Variants in ZC3H13 observed in about 807,000 individuals in gnomAD.
ZC3H13 encodes zinc finger CCCH domain-containing protein 13.
A neutral mutation model predicts 204.1 loss-of-function variants in ZC3H13; 64 were observed. That is an observed-to-expected ratio of 0.31 (90% CI 0.26 to 0.39). The LOEUF (loss-of-function observed/expected upper bound fraction) is 0.39. Among genes scored for constraint, ZC3H13 ranks in the 10% least tolerant of loss-of-function variants. The probability of loss-of-function intolerance (pLI) is 1.00; values close to 1 mark genes in which losing one functional copy is unlikely to be tolerated. For synonymous variants in ZC3H13, 667 were observed against 693.7 expected (o/e 0.96, Z 0.60); for missense variants, 1,833 against 2,082.7 (o/e 0.88, Z 2.33).
intron 4 of ZC3H13, among the ~76,000 whole-genome samples, chr13:46,038,978 T>C: frequency 6.6e-6 from 1 of 152,162 alleles, no homozygotes; most frequent in East Asian, 1.9e-4. Context: ...GCAGAGATCA[T>C]GCCATTCCAC....
intron 3 of ZC3H13, among the ~76,000 whole-genome samples, chr13:46,042,512 T>C (rs960494803): frequency 3.3e-5 from 5 of 152,102 alleles, no homozygotes; most frequent in Non-Finnish European, 7.4e-5. Context: ...AAAATGTATA[T>C]GTTAAATTCC....
At chr13:46,045,613 G>T in intron 1 of ZC3H13, 97 bp from the exon 2 acceptor site, 2 of 783,918 alleles carry the variant, frequency 2.6e-6, no homozygotes, top group Non-Finnish European at 4.2e-6. Context: ...AGGTAACAGT[G>T]TAAAATTACA....
chr13:45,983,193 C>G (rs558529458), intron 10 of ZC3H13, among the ~76,000 whole-genome samples: 2 of 151,718 alleles, frequency 1.3e-5, no homozygotes, highest in East Asian at 3.9e-4. Context: ...TAAAAACAGA[C>G]CACTGAGCCA....
rs1593813402 is a variant in ZC3H13 at position 46,042,477 on chromosome 13, T to A, written c.228-202A>T. Among the ~76,000 whole-genome samples the A allele has an allele frequency of 8.5e-5, 13 of 152,254 alleles. No homozygotes were observed. In the South Asian group the frequency reaches 2.7e-3, roughly 32 times the overall value. ...TAATATGCAAAACACGAGCAACACTTACAGTTTTTCTCCCAATAACAATCA... is the reference window on the plus strand; with the variant it reads ...TAATATGCAAAACACGAGCAACACTAACAGTTTTTCTCCCAATAACAATCA... On this transcript the variant is annotated intron_variant, in intron 3 of 18. Transcript: ENST00000679008.
chr13:46,015,518 T>C (rs1444820088), intron 5 of ZC3H13, among the ~76,000 whole-genome samples: 1 of 152,172 alleles, frequency 6.6e-6, no homozygotes, highest in African/African-American at 2.4e-5. Flanking sequence ...CTGGGTTTTA[T>C]GCCCTATTTA....
chr13:45,973,423 T>G (rs568531422), intron 12 of ZC3H13, among the ~76,000 whole-genome samples: 2 of 152,322 alleles, frequency 1.3e-5, no homozygotes, highest in East Asian at 3.9e-4. Context: ...ACTCTTAGAT[T>G]GTCTAACCAT....
intron 4 of ZC3H13, among the ~76,000 whole-genome samples, chr13:46,040,466 T>C (rs1252517961): frequency 1.3e-5 from 2 of 152,064 alleles, no homozygotes; most frequent in Admixed American, 6.6e-5. Context: ...GGCTTAAATA[T>C]AAGAGCTAAA....
intron 16 of ZC3H13, among the ~76,000 whole-genome samples, chr13:45,964,621 A>C (rs1474002241): frequency 6.6e-6 from 1 of 152,216 alleles, no homozygotes; most frequent in East Asian, 1.9e-4. Flanking sequence ...TCAGTAGAAA[A>C]AATTGCAAAA....
At chr13:46,015,237 T>C (rs1475226500) in intron 5 of ZC3H13, among the ~76,000 whole-genome samples, 1 of 152,190 alleles carries the variant, frequency 6.6e-6, no homozygotes, top group African/African-American at 2.4e-5. Flanking sequence ...TTCATCAGTA[T>C]TTCCCTGCAG....
intron 4 of ZC3H13, among the ~76,000 whole-genome samples, chr13:46,041,294 G>A (rs1017931361): frequency 9.2e-5 from 14 of 152,032 alleles, no homozygotes; most frequent in African/African-American, 3.4e-4. Context: ...CACGAACCTT[G>A]AAAAGGTATG....
chr13:45,975,107 A>G (rs953744804), intron 12 of ZC3H13, among the ~76,000 whole-genome samples, 176 bp downstream of exon 12: 8 of 152,104 alleles, frequency 5.3e-5, no homozygotes, highest in Non-Finnish European at 2.9e-5. Context: ...CGGCCTCCCA[A>G]AGTGCTGGGT....
chr13:46,017,554 A>G (rs999422412), intron 5 of ZC3H13, among the ~76,000 whole-genome samples: 1 of 152,162 alleles, frequency 6.6e-6, no homozygotes, highest in African/African-American at 2.4e-5. Flanking sequence ...GGATTTTTAT[A>G]TGTCATTGTT....
Position 45,969,045 on chromosome 13 carries a change from T to C in ZC3H13, c.3499A>G (p.Lys1167Glu). The C allele has an allele frequency of 1.2e-6, 2 of 1,614,208 alleles. No individual in the cohort carries two copies. The highest frequency in any genetic ancestry group is 1.7e-6 in the Non-Finnish European group (2 of 1,180,032). The stretch of plus-strand genomic sequence containing the variant: ...ATAGTCACGTGAGGCGTCTCTACTT[T>C]TTCTACTCGTGTTCTGTGGCATTTT... Reference protein sequence around the residue: ...HRKCHRTRVEKVETPHVTIED... With the variant: ...HRKCHRTRVEEVETPHVTIED... Residue 1167 changes from lysine (K) to glutamate (E), a missense_variant, in exon 14 of 19, where the codon AAA becomes GAA. Coordinates refer to ENST00000679008, the MANE Select transcript of ZC3H13 (RefSeq NM_001330564.2).
At chr13:46,010,981 A>G (rs2041520944) in intron 6 of ZC3H13, among the ~76,000 whole-genome samples, 1 of 152,254 alleles carries the variant, frequency 6.6e-6, no homozygotes, top group Non-Finnish European at 1.5e-5. Context: ...TTTAAGCAAT[A>G]TAACTGTCCT....
At chr13:46,018,197 AT>A (rs879912449) in intron 5 of ZC3H13, among the ~76,000 whole-genome samples, 1 of 146,984 alleles carries the variant, frequency 6.8e-6, no homozygotes, top group South Asian at 2.2e-4. Context: ...GCAGACGGCC[AT>A]TTAGGATAGT....
rs933820340 is a variant in ZC3H13, at chr13:46,011,701, T to C, written c.449-147A>G. Reference sequence around the variant, plus strand: ...ACATACTTCTAAAAGATAAAAGAAATAGATACCATTTCTATAAAGGATTAA... The same window carrying C: ...ACATACTTCTAAAAGATAAAAGAAACAGATACCATTTCTATAAAGGATTAA... On this transcript the variant is annotated intron_variant, in intron 5 of 18. Transcript: ENST00000679008. 23 of 489,466 alleles carry C rather than the reference T, an allele frequency of 4.7e-5. No homozygotes were observed. The Admixed American group carries it at 6.2e-4, about 13-fold the overall frequency. 30.3% of individuals were successfully genotyped at this position (489,466 alleles called of 1,614,324 possible).
At chr13:45,985,843 T>C in intron 9 of ZC3H13, 82 bp from the exon 10 acceptor site, 1 of 1,256,686 alleles carries the variant, frequency 8.0e-7, no homozygotes, top group Non-Finnish European at 1.1e-6. Flanking sequence ...TACAGAACTT[T>C]AAAAATTTTA....
chr13:46,050,287 A>G (rs1219770882), intron 1 of ZC3H13, among the ~76,000 whole-genome samples: 1 of 152,082 alleles, frequency 6.6e-6, no homozygotes. Flanking sequence ...GAGAAAGGAG[A>G]AGCATACAAA....
intron 12 of ZC3H13, among the ~76,000 whole-genome samples, chr13:45,973,843 G>A (rs1050182129): frequency 6.6e-6 from 1 of 152,204 alleles, no homozygotes; most frequent in African/African-American, 2.4e-5. Context: ...TGAAGTTTAT[G>A]TTCAGGTAAG....
Sources: allele counts gnomAD v4.1 joint callset (sites outside exome capture counted in the v4.1 genomes callset), GRCh38; gene constraint gnomAD v4.1.1; transcripts MANE v1.5; gene names NCBI Gene and HGNC (gene_info 2026-07-23, HGNC 2026-07-21).